Variants in KCNMA1 observed in about 807,000 individuals in gnomAD.
KCNMA1 encodes Calcium-activated potassium channel subunit alpha-1.
A neutral mutation model predicts 140.0 loss-of-function variants in KCNMA1; 29 were observed. That is an observed-to-expected ratio of 0.21 (90% CI 0.15 to 0.28). KCNMA1 has a LOEUF of 0.28. Among genes scored for constraint, KCNMA1 ranks in the 10% least tolerant of loss-of-function variants. The probability of loss-of-function intolerance (pLI) is 1.00; values close to 1 mark genes in which losing one functional copy is unlikely to be tolerated. For missense variants in KCNMA1, 880 were observed against 1,602.2 expected (o/e 0.55, Z 7.70); for synonymous variants, 612 against 611.9 (o/e 1.00, Z 0.00).
chr10:77,340,873 CAA>C (rs11297506), intron 2 of KCNMA1, among the ~76,000 whole-genome samples: 2,464 of 135,502 alleles, frequency 0.018, 65 homozygotes, highest in African/African-American at 0.06. Flanking sequence ...TAAAAAATGC[CAA>C]AAAAAAAAAA....
At chr10:76,975,564 G>T (rs2077229088) in intron 19 of KCNMA1, among the ~76,000 whole-genome samples, 1 of 152,238 alleles carries the variant, frequency 6.6e-6, no homozygotes, top group Non-Finnish European at 1.5e-5. Flanking sequence ...GGAATGCCAT[G>T]TGTCCATCGA....
intron 1 of KCNMA1, among the ~76,000 whole-genome samples, chr10:77,584,296 G>C (rs1159848700): frequency 6.6e-6 from 1 of 152,138 alleles, no homozygotes; most frequent in East Asian, 1.9e-4. Flanking sequence ...TAAGACTTGT[G>C]GGAAGCCCTT....
At chr10:77,011,602 C>G (rs1317567708) in intron 18 of KCNMA1, among the ~76,000 whole-genome samples, 1 of 152,164 alleles carries the variant, frequency 6.6e-6, no homozygotes, top group Non-Finnish European at 1.5e-5. Flanking sequence ...CAGGGACCCC[C>G]AATCCACTGG....
intron 19 of KCNMA1, among the ~76,000 whole-genome samples, chr10:76,997,258 T>C (rs1480709978): frequency 6.6e-6 from 1 of 152,234 alleles, no homozygotes; most frequent in Non-Finnish European, 1.5e-5. Context: ...TGCCTTCTTG[T>C]ATTATATTTA....
chr10:77,439,513 A>G (rs1415340086), intron 1 of KCNMA1, among the ~76,000 whole-genome samples: 4 of 152,148 alleles, frequency 2.6e-5, no homozygotes, highest in Non-Finnish European at 5.9e-5. Context: ...CACAACACAC[A>G]TCCCAACCAG....
chr10:77,171,356 TCA>T (rs2098703664), intron 5 of KCNMA1, among the ~76,000 whole-genome samples: 1 of 151,272 alleles, frequency 6.6e-6, no homozygotes, highest in African/African-American at 2.4e-5. Context: ...CCAAAGAGCC[TCA>T]CAGAATAGAT....
chr10:77,584,620 G>C (rs1190061731), intron 1 of KCNMA1, among the ~76,000 whole-genome samples: 1 of 152,122 alleles, frequency 6.6e-6, no homozygotes, highest in African/African-American at 2.4e-5. Flanking sequence ...GCCTCCCAAA[G>C]TGCTGGGATT....
intron 20 of KCNMA1, among the ~76,000 whole-genome samples, chr10:76,961,207 G>A (rs1270002981): frequency 1.3e-5 from 2 of 151,322 alleles, no homozygotes; most frequent in Non-Finnish European, 2.9e-5. Context: ...ATATCAACAG[G>A]AGTTTGGAAG....
chr10:77,398,162 T>C (rs887411360), intron 2 of KCNMA1, among the ~76,000 whole-genome samples: 12 of 152,036 alleles, frequency 7.9e-5, no homozygotes, highest in African/African-American at 2.7e-4. Context: ...AGTGTTGTGA[T>C]AAACATAGGA....
intron 1 of KCNMA1, among the ~76,000 whole-genome samples, chr10:77,592,524 A>G (rs2079523256): frequency 6.6e-6 from 1 of 152,154 alleles, no homozygotes; most frequent in African/African-American, 2.4e-5. Context: ...TAATTTGCAA[A>G]TTTTCTGTAT....
chr10:77,476,808 C>CATGA (rs1006458337), intron 1 of KCNMA1, among the ~76,000 whole-genome samples: 37 of 152,282 alleles, frequency 2.4e-4, no homozygotes, highest in South Asian at 6.2e-4. Context: ...TTGTTTCTTC[C>CATGA]ATGAATGAAT....
intron 2 of KCNMA1, among the ~76,000 whole-genome samples, chr10:77,371,522 A>G (rs2094714832): frequency 6.6e-6 from 1 of 152,184 alleles, no homozygotes; most frequent in African/African-American, 2.4e-5. Context: ...ATTTCACAAC[A>G]ATGCAGATTT....
intron 2 of KCNMA1, among the ~76,000 whole-genome samples, chr10:77,310,568 C>G (rs1265917473): frequency 6.6e-6 from 1 of 152,160 alleles, no homozygotes; most frequent in Non-Finnish European, 1.5e-5. Flanking sequence ...GAACAAAGAC[C>G]ATTAAATCCA....
intron 1 of KCNMA1, among the ~76,000 whole-genome samples, chr10:77,503,556 C>T (rs1212013737): frequency 6.6e-6 from 1 of 152,316 alleles, no homozygotes; most frequent in East Asian, 1.9e-4. Context: ...ATTGAAGAGG[C>T]CATTAAATTC....
Position 77,376,948 on chromosome 10 carries a change from A to ATAC in KCNMA1, c.540+26913_540+26914insGTA, listed in dbSNP as rs2095152762. On this transcript the variant is annotated intron_variant, in intron 2 of 27. Transcript: ENST00000286628. ...GCAAGATTCCCTCTCAAAATAAATA[A>ATAC]ATACATACATACATACATACATACA... Among the ~76,000 whole-genome samples, 41 of 148,428 alleles carry ATAC rather than the reference A, an allele frequency of 2.8e-4. 1 individual carries two copies. Among genetic ancestry groups the ATAC allele is most frequent in the African/African-American group, 4.3e-4 (17 of 39,946 alleles).
At position 77,453,003 on chromosome 10, in the gene KCNMA1, C is replaced by T. The variant is rs11595074; in HGVS notation, c.379-48980G>A. ...AACAGGGATGGGGGTACCTAGCTGA[C>T]GGGGTTGCTATAAGGACAGAACCTG... On this transcript the variant is annotated intron_variant, in intron 1 of 27. Transcript: ENST00000286628. Among the ~76,000 whole-genome samples, 671 of 152,192 alleles carry T rather than the reference C, an allele frequency of 4.4e-3. 4 individuals carry two copies. Among genetic ancestry groups the T allele is most frequent in the Non-Finnish European group, 7.7e-3 (525 of 68,016 alleles).
At position 77,439,087 on chromosome 10, in the gene KCNMA1, AAAGAGAAGAGAAGAGAAGAGAAGAG is replaced by A. The variant is rs55994326; in HGVS notation, c.379-35089_379-35065del. On this transcript the variant is annotated intron_variant, in intron 1 of 27. Transcript: ENST00000286628. ...CTCTCTCAAAAAAAGAAAGAAAAGA[AAAGAGAAGAGAAGAGAAGAGAAGAG>A]AAGAGAAGAGAAGAGAAGAGAAGAG... is the stretch of plus-strand genomic sequence containing the variant. 2.6e-4 allele frequency among the ~76,000 whole-genome samples: 33 copies of A among 124,926 alleles called. No homozygotes were observed. The South Asian group carries it at 6.3e-3, about 24-fold the overall frequency. 82.0% of individuals were successfully genotyped at this position (124,926 alleles called of 152,430 possible).
chr10:77,366,680 G>A (rs1309467774), intron 2 of KCNMA1, among the ~76,000 whole-genome samples: 1 of 152,134 alleles, frequency 6.6e-6, no homozygotes, highest in Non-Finnish European at 1.5e-5. Flanking sequence ...GATGGTGGTG[G>A]TGATGGAAGT....
At chr10:77,078,356 G>A (rs1171258505) in intron 13 of KCNMA1, among the ~76,000 whole-genome samples, 1 of 152,152 alleles carries the variant, frequency 6.6e-6, no homozygotes, top group Non-Finnish European at 1.5e-5. Flanking sequence ...TTTTTTGGAA[G>A]TTTATTGACT....
Sources: gnomAD v4.1 joint callset for allele counts (sites outside exome capture counted in the v4.1 genomes callset) on GRCh38, gnomAD v4.1.1 for gene constraint, MANE v1.5 for transcripts, NCBI Gene and HGNC (gene_info 2026-07-23, HGNC 2026-07-21) for gene names.